Variants in TMEM132D observed in about 807,000 individuals in gnomAD.
TMEM132D encodes the protein transmembrane protein 132D.
A neutral mutation model predicts 62.3 loss-of-function variants in TMEM132D; 21 were observed. That is an observed-to-expected ratio of 0.34 (90% CI 0.24 to 0.49). The LOEUF (loss-of-function observed/expected upper bound fraction) is 0.49. Among genes scored for constraint, TMEM132D ranks in the 20% least tolerant of loss-of-function variants. The pLI is 0.99. For missense variants in TMEM132D, 1,346 were observed against 1,402.8 expected (o/e 0.96, Z 0.65); for synonymous variants, 621 against 575.6 (o/e 1.08, Z -1.13).
intron 2 of TMEM132D, among the ~76,000 whole-genome samples, chr12:129,616,998 A>C (rs377567196): frequency 1.1e-3 from 170 of 152,262 alleles, no homozygotes; most frequent in African/African-American, 4.0e-3. Context: ...TTTTGCATGC[A>C]TCATTCATGT....
At chr12:129,468,183 C>T (rs1873974161) in intron 3 of TMEM132D, among the ~76,000 whole-genome samples, 1 of 74,238 alleles carries the variant, frequency 1.3e-5, no homozygotes, top group Non-Finnish European at 3.0e-5. Flanking sequence ...TTACACAAAG[C>T]TTTGTGTGTG....
At chr12:129,745,642 C>A (rs1245383100) in intron 1 of TMEM132D, among the ~76,000 whole-genome samples, 1 of 152,222 alleles carries the variant, frequency 6.6e-6, no homozygotes, top group African/African-American at 2.4e-5. Flanking sequence ...CAGTTACCAT[C>A]TGGGTCTGAT....
chr12:129,819,592 A>C (rs1405410625), intron 1 of TMEM132D, among the ~76,000 whole-genome samples: 1 of 152,012 alleles, frequency 6.6e-6, no homozygotes, highest in Admixed American at 6.5e-5. Flanking sequence ...CTTGAGTCAC[A>C]CTTTTGCCTC....
At chr12:129,233,329 T>A (rs896221959) in intron 4 of TMEM132D, among the ~76,000 whole-genome samples, 6 of 152,172 alleles carry the variant, frequency 3.9e-5, no homozygotes, top group Non-Finnish European at 1.5e-5. Flanking sequence ...TACCACAGTT[T>A]CAGAAAATGG....
intron 2 of TMEM132D, among the ~76,000 whole-genome samples, chr12:129,625,860 T>G: frequency 6.6e-6 from 1 of 152,308 alleles, no homozygotes; most frequent in Middle Eastern, 3.4e-3. Context: ...AGTCTCAATT[T>G]AGGATGTTTA....
At chr12:129,585,383 C>T (rs1179873087) in intron 2 of TMEM132D, among the ~76,000 whole-genome samples, 1 of 152,166 alleles carries the variant, frequency 6.6e-6, no homozygotes, top group African/African-American at 2.4e-5. Flanking sequence ...TTTGGAGGCA[C>T]AATTCAGGAA....
At chr12:129,759,402 T>G (rs1870278371) in intron 1 of TMEM132D, among the ~76,000 whole-genome samples, 1 of 152,146 alleles carries the variant, frequency 6.6e-6, no homozygotes, top group Admixed American at 6.5e-5. Flanking sequence ...GGCTCTAAGA[T>G]CCAAAGGCCC....
At chr12:129,340,414 C>T (rs1326006600) in intron 3 of TMEM132D, among the ~76,000 whole-genome samples, 3 of 151,978 alleles carry the variant, frequency 2.0e-5, no homozygotes, top group Non-Finnish European at 1.5e-5. Flanking sequence ...CCTATTAACT[C>T]GTCATTTACA....
chr12:129,378,475 G>A (rs932955848), intron 3 of TMEM132D, among the ~76,000 whole-genome samples: 3 of 152,196 alleles, frequency 2.0e-5, no homozygotes, highest in African/African-American at 7.2e-5. Context: ...AGATTTCTCA[G>A]GAGCTAATCA....
chr12:129,206,775 A>G (rs1878860018), intron 5 of TMEM132D, among the ~76,000 whole-genome samples: 1 of 152,240 alleles, frequency 6.6e-6, no homozygotes, highest in South Asian at 2.1e-4. Context: ...TGCAGCCATA[A>G]AAGAGAATGA....
At chr12:129,429,080 C>G (rs1489789862) in intron 3 of TMEM132D, among the ~76,000 whole-genome samples, 1 of 151,946 alleles carries the variant, frequency 6.6e-6, no homozygotes, top group African/African-American at 2.4e-5. Context: ...CAAAATCCTT[C>G]AAGTTACTCA....
At chr12:129,629,504 G>C (rs1879302199) in intron 2 of TMEM132D, among the ~76,000 whole-genome samples, 1 of 152,052 alleles carries the variant, frequency 6.6e-6, no homozygotes, top group Non-Finnish European at 1.5e-5. Flanking sequence ...CACCTAGGAG[G>C]CATCTTCCTT....
chr12:129,565,485 A>C (rs140293044), intron 2 of TMEM132D, among the ~76,000 whole-genome samples: 22 of 152,322 alleles, frequency 1.4e-4, no homozygotes, highest in South Asian at 4.1e-4. Context: ...TGAATTCCAA[A>C]GGGAGGAGGG....
intron 3 of TMEM132D, among the ~76,000 whole-genome samples, chr12:129,487,624 C>T (rs757061082): frequency 1.3e-4 from 20 of 151,848 alleles, no homozygotes; most frequent in Non-Finnish European, 2.8e-4. Flanking sequence ...AGAGGTGGGG[C>T]CTTTTAGGAA....
At chr12:129,099,588 ACTG>A (rs1219062110) in intron 5 of TMEM132D, among the ~76,000 whole-genome samples, 1 of 152,178 alleles carries the variant, frequency 6.6e-6, no homozygotes, top group African/African-American at 2.4e-5. Context: ...ACCAACAGCA[ACTG>A]CTGTTCACAC....
At chr12:129,200,019 G>A (rs747730031) in intron 5 of TMEM132D, among the ~76,000 whole-genome samples, 1 of 152,142 alleles carries the variant, frequency 6.6e-6, no homozygotes, top group African/African-American at 2.4e-5. Flanking sequence ...CAAATAGAAT[G>A]CCGTGATTAA....
chr12:129,500,714 T>C (rs1875113863), intron 3 of TMEM132D, among the ~76,000 whole-genome samples: 1 of 152,216 alleles, frequency 6.6e-6, no homozygotes, highest in Admixed American at 6.5e-5. Context: ...AAAGAAAGTG[T>C]CTAATTGCTC....
At chr12:129,100,950 A>AG (rs1565963994) in intron 5 of TMEM132D, among the ~76,000 whole-genome samples, 2 of 152,222 alleles carry the variant, frequency 1.3e-5, no homozygotes, top group Non-Finnish European at 2.9e-5. Context: ...GAGCAGCACC[A>AG]GGCGGTGGCA....
intron 1 of TMEM132D, among the ~76,000 whole-genome samples, chr12:129,702,716 T>C (rs148511460): frequency 4.4e-4 from 67 of 152,348 alleles, no homozygotes; most frequent in African/African-American, 1.3e-3. Flanking sequence ...GGAGCAGAAA[T>C]GACACGCAAG....
Sources: gnomAD v4.1 joint callset for allele counts (sites outside exome capture counted in the v4.1 genomes callset) on GRCh38, gnomAD v4.1.1 for gene constraint, MANE v1.5 for transcripts, NCBI Gene and HGNC (gene_info 2026-07-23, HGNC 2026-07-21) for gene names.